Variants in PANX1 observed in about 807,000 individuals in gnomAD.
The protein encoded by PANX1 is pannexin-1.
PANX1 carries 30 observed loss-of-function variants against 38.7 expected under a neutral mutation model. The observed-to-expected ratio is 0.78, with a 90% confidence interval of 0.58 to 1.05. PANX1 has a LOEUF of 1.05. Ranked by LOEUF, PANX1 falls within the 50% of genes least tolerant of loss-of-function variation. PANX1 has a pLI of 0.00. For missense variants in PANX1, 551 were observed against 517.2 expected (o/e 1.07, Z -0.63); for synonymous variants, 230 against 212.2 (o/e 1.08, Z -0.73).
chr11:94,137,265 C>G (rs1323515755), intron 1 of PANX1, among the ~76,000 whole-genome samples: 4 of 152,152 alleles, frequency 2.6e-5, no homozygotes, highest in Non-Finnish European at 5.9e-5. Flanking sequence ...GATCATGCCA[C>G]TGTACTCCAG....
intron 2 of PANX1, among the ~76,000 whole-genome samples, chr11:94,154,605 C>A (rs112529646): frequency 1.3e-4 from 20 of 152,294 alleles, no homozygotes; most frequent in African/African-American, 4.8e-4. Flanking sequence ...CCATCAGCAT[C>A]CTTCTTCGTA....
chr11:94,180,148 G>T lies in PANX1; in HGVS notation c.1092G>T (p.Met364Ile), dbSNP rs376644296. 2 of 1,613,840 alleles carry T rather than the reference G, an allele frequency of 1.2e-6. No homozygotes were observed. Among genetic ancestry groups the T allele is most frequent in the African/African-American group, 2.7e-5 (2 of 74,868 alleles). The stretch of plus-strand genomic sequence containing the variant: ...GCAGTGGTCAGGGGATCGACCCAAT[G>T]CTACTCCTGACAAACCTTGGCATGA... ...IKSSGQGIDP[M>I]LLLTNLGMIK... is the part of the protein sequence containing the mutation. Residue 364 changes from methionine to isoleucine, a missense_variant, in exon 4 of 5, where the codon ATG (methionine) becomes ATT (isoleucine). By Grantham distance (10) the Met-to-Ile change is conservative. Coordinates refer to ENST00000227638, the MANE Select transcript of PANX1 (RefSeq NM_015368.4).
At chr11:94,177,772 G>A (rs1005965004) in intron 2 of PANX1, among the ~76,000 whole-genome samples, 1 of 151,898 alleles carries the variant, frequency 6.6e-6, no homozygotes, top group Non-Finnish European at 1.5e-5. Context: ...CCAACTATAC[G>A]ATGAGGGTGT....
At chr11:94,138,227 G>A (rs747007830) in intron 1 of PANX1, among the ~76,000 whole-genome samples, 6 of 152,140 alleles carry the variant, frequency 3.9e-5, no homozygotes, top group Non-Finnish European at 8.8e-5. Flanking sequence ...GTGGATTATC[G>A]TCCACAGCTT....
At chr11:94,170,460 A>C (rs1262535439) in intron 2 of PANX1, among the ~76,000 whole-genome samples, 1 of 151,844 alleles carries the variant, frequency 6.6e-6, no homozygotes, top group Non-Finnish European at 1.5e-5. Flanking sequence ...TCCGTTCATC[A>C]GCGCATACTT....
rs1565387208 is a variant in PANX1, at chr11:94,179,807, G to A, written c.751G>A (p.Gly251Arg). ...SDEFVCSIKS[G>R]ILRNDSTVPD... ...CGAGTTTGTGTGCAGCATCAAATCAGGGATCCTGAGAAACGACAGCACCGT... is the reference window on the plus strand; with the variant it reads ...CGAGTTTGTGTGCAGCATCAAATCAAGGATCCTGAGAAACGACAGCACCGT... Residue 251 changes from glycine (G) to arginine (R), a missense_variant, in exon 4 of 5, where the codon GGG becomes AGG. Coordinates refer to ENST00000227638, the MANE Select transcript of PANX1 (RefSeq NM_015368.4). 3 of 1,614,124 alleles carry A rather than the reference G, an allele frequency of 1.9e-6. No homozygotes were observed. The African/African-American group carries it at 4.0e-5, about 22-fold the overall frequency.
At chr11:94,173,606 T>C (rs949707892) in intron 2 of PANX1, among the ~76,000 whole-genome samples, 5 of 151,696 alleles carry the variant, frequency 3.3e-5, no homozygotes, top group Non-Finnish European at 7.4e-5. Flanking sequence ...TCCGTCCCCC[T>C]CTTCTGTGTG....
chr11:94,173,043 TG>T (rs1947186570), intron 2 of PANX1, among the ~76,000 whole-genome samples: 1 of 151,768 alleles, frequency 6.6e-6, no homozygotes, highest in Non-Finnish European at 1.5e-5. Context: ...ATTAGCTTTC[TG>T]GGGTAGCTGT....
At chr11:94,134,343 G>A (rs1946663163) in intron 1 of PANX1, among the ~76,000 whole-genome samples, 1 of 152,180 alleles carries the variant, frequency 6.6e-6, no homozygotes. Context: ...AGAGGTTTAG[G>A]AAATGGCTGG....
At chr11:94,134,393 G>C (rs544434505) in intron 1 of PANX1, among the ~76,000 whole-genome samples, 1 of 152,178 alleles carries the variant, frequency 6.6e-6, no homozygotes, top group Non-Finnish European at 1.5e-5. Flanking sequence ...ATTGCATGAC[G>C]TGACCTTCAA....
At chr11:94,132,401 G>A (rs4073614) in intron 1 of PANX1, among the ~76,000 whole-genome samples, 66,593 of 151,818 alleles carry the variant, frequency 0.44, 15,636 homozygotes, top group Admixed American at 0.58. Context: ...GAGAGTTTCA[G>A]GGCAGAGTTG....
Position 94,129,380 on chromosome 11 carries a change from C to T in PANX1, c.68C>T (p.Pro23Leu). 1 of 1,613,956 alleles carries T rather than the reference C, an allele frequency of 6.2e-7. No homozygotes were observed. The highest frequency in any genetic ancestry group is 8.5e-7 in the Non-Finnish European group (1 of 1,179,930). Residue 23 changes from proline to leucine, a missense_variant, in exon 1 of 5, where the codon CCC becomes CTC. Physicochemically the swap from Pro to Leu is moderately conservative, Grantham distance 98 (BLOSUM62 -3). Transcript: ENST00000227638. ...TTCTTGCTGAAGGAGCCCACGGAGC[C>T]CAAGTTCAAGGGGCTGCGACTGGAG... ...SDFLLKEPTE[P>L]KFKGLRLELA...
intron 2 of PANX1, among the ~76,000 whole-genome samples, chr11:94,163,699 A>G (rs961044161): frequency 6.6e-6 from 1 of 152,054 alleles, no homozygotes; most frequent in African/African-American, 2.4e-5. Flanking sequence ...TCTTTGTCTG[A>G]TTTTGGTGTC....
intron 1 of PANX1, among the ~76,000 whole-genome samples, chr11:94,141,181 G>T (rs1193017963): frequency 6.6e-6 from 1 of 152,112 alleles, no homozygotes; most frequent in African/African-American, 2.4e-5. Flanking sequence ...GAAATCAGAG[G>T]GACAAAAGTT....
intron 1 of PANX1, among the ~76,000 whole-genome samples, chr11:94,129,778 C>T (rs1056123223): frequency 3.3e-5 from 5 of 152,210 alleles, no homozygotes; most frequent in African/African-American, 1.2e-4. Context: ...AGAACTGGCA[C>T]CTTGCCACCA....
intron 2 of PANX1, among the ~76,000 whole-genome samples, chr11:94,162,861 A>G (rs1591519744): frequency 7.7e-6 from 1 of 129,772 alleles, no homozygotes; most frequent in African/African-American, 3.1e-5. Flanking sequence ...TCTTGGCTCC[A>G]CCAACCTCTC....
chr11:94,161,752 T>C (rs1947039783), intron 2 of PANX1, among the ~76,000 whole-genome samples: 1 of 152,222 alleles, frequency 6.6e-6, no homozygotes, highest in South Asian at 2.1e-4. Flanking sequence ...AGATTTCTTC[T>C]GTTGCTGGTG....
chr11:94,142,561 C>T lies in PANX1; in HGVS notation c.182-10930C>T, dbSNP rs551940122. ...GCGCTGTTTTCCAAGCCTAGGTTCC[C>T]TTCTCTCCTCCTTTGAGTACGAACA... is the stretch of plus-strand genomic sequence containing the variant. On this transcript the variant is annotated intron_variant, in intron 1 of 4. Transcript: ENST00000227638. Among the ~76,000 whole-genome samples, 4 of 152,324 alleles carry T rather than the reference C, an allele frequency of 2.6e-5. No individual in the cohort carries two copies. In the South Asian group the frequency reaches 8.3e-4, roughly 32 times the overall value.
chr11:94,157,882 A>G (rs1243804643), intron 2 of PANX1, among the ~76,000 whole-genome samples: 1 of 152,094 alleles, frequency 6.6e-6, no homozygotes, highest in Non-Finnish European at 1.5e-5. Context: ...TAGGTCTAAG[A>G]TTTAAGTCTT....
Sources: gnomAD v4.1 joint callset for allele counts (sites outside exome capture counted in the v4.1 genomes callset) on GRCh38, gnomAD v4.1.1 for gene constraint, MANE v1.5 for transcripts, NCBI Gene and HGNC (gene_info 2026-07-23, HGNC 2026-07-21) for gene names.